LGALS8: variants seen among roughly 807,000 people sequenced by gnomAD.
The protein encoded by LGALS8 is galectin-8.
In LGALS8, 30 loss-of-function variants were observed where a neutral mutation model predicts 35.9. The observed-to-expected ratio is 0.83, with a 90% CI of 0.62 to 1.13. The LOEUF (loss-of-function observed/expected upper bound fraction) is 1.13, where lower values mean the gene tolerates loss of function less well. Among genes scored for constraint, LGALS8 ranks in the 50% most tolerant of loss-of-function variants. The pLI is 0.00. For missense variants in LGALS8, 366 were observed against 388.7 expected (o/e 0.94, Z 0.49); for synonymous variants, 138 against 136.1 (o/e 1.01, Z -0.10).
chr1:236,548,941 A>AACTT lies in LGALS8; in HGVS notation c.*782_*785dup, dbSNP rs1164051972. The AACTT allele has an allele frequency of 2.5e-6, 1 of 398,280 alleles. No individual in the cohort carries two copies. The highest frequency in any genetic ancestry group is 3.6e-5 in the East Asian group (1 of 28,060). 24.7% of individuals were successfully genotyped at this position (398,280 alleles called of 1,614,324 possible). ...AAGGCAGCTGATTTCTGTGTATTTG[A>AACTT]ACTTAGGGCAAATCAGAGTCTACAC... On this transcript the variant is annotated 3_prime_UTR_variant, in exon 10 of 10. Transcript: ENST00000366584.
chr1:236,525,006 C>A (rs994490760), intron 1 of LGALS8, among the ~76,000 whole-genome samples: 1 of 152,104 alleles, frequency 6.6e-6, no homozygotes, highest in Non-Finnish European at 1.5e-5. Flanking sequence ...CCCTTTAGTT[C>A]TGCTTAAAGT....
In LGALS8 at chr1:236,552,284, C is replaced by G; in HGVS notation, c.*4123C>G. ...GAATACCAGTTTCACCATTTGGGAG[C>G]TGTTTGTAATATGTGCAACCTTATA... On this transcript the variant is annotated 3_prime_UTR_variant, in exon 10 of 10. Transcript: ENST00000366584. 2.0e-6 allele frequency: 1 copy of G among 491,580 alleles called. No individual in the cohort carries two copies. Among genetic ancestry groups the G allele is most frequent in the Non-Finnish European group, 3.6e-6 (1 of 279,106 alleles). The allele number at this position is 491,580 out of a possible 1,614,324, so 30.5% of individuals were successfully genotyped here. A position where few individuals can be genotyped will look rare whatever the true frequency, so the allele number is the denominator to read the frequency against.
intron 2 of LGALS8, among the ~76,000 whole-genome samples, chr1:236,527,139 A>G (rs1445810761): frequency 6.6e-6 from 1 of 152,068 alleles, no homozygotes; most frequent in East Asian, 1.9e-4. Context: ...CAACAACAAC[A>G]AACTAGGCTG....
At chr1:236,547,760 G>T (rs939722437) in intron 9 of LGALS8, among the ~76,000 whole-genome samples, 18 of 152,212 alleles carry the variant, frequency 1.2e-4, no homozygotes, top group African/African-American at 4.3e-4. Context: ...AAGGAGGGCC[G>T]CAGGCCCTGG....
chr1:236,548,237 A>C lies in LGALS8; in HGVS notation c.*76A>C. On this transcript the variant is annotated 3_prime_UTR_variant, in exon 10 of 10. Transcript: ENST00000366584. Reference sequence around the variant, plus strand: ...TACTGGCCTTGCTGAAACGCATCTCACTGTCATTCTATTGTTTATATTGTT... The same window carrying C: ...TACTGGCCTTGCTGAAACGCATCTCCCTGTCATTCTATTGTTTATATTGTT... The C allele has an allele frequency of 3.6e-5, 45 of 1,267,122 alleles. No homozygotes were observed. The highest frequency in any genetic ancestry group is 4.8e-5 in the Non-Finnish European group (43 of 894,924). 78.5% of individuals were successfully genotyped at this position (1,267,122 alleles called of 1,614,324 possible).
rs758937451 is a variant in LGALS8, at chr1:236,552,134, TA to T, written c.*3978del. On this transcript the variant is annotated 3_prime_UTR_variant, in exon 10 of 10. Transcript: ENST00000366584. ...TGAAAGGGATAAAAGAGCAAAGAAA[TA>T]AAAAGTAGTGTTACTGTATTTATTA... is the stretch of plus-strand genomic sequence containing the variant. 6.6e-5 allele frequency: 93 copies of T among 1,408,880 alleles called. No individual in the cohort carries two copies. The highest frequency in any genetic ancestry group is 5.6e-4 in the African/African-American group (40 of 71,062). 87.3% of individuals were successfully genotyped at this position (1,408,880 alleles called of 1,614,324 possible).
Position 236,550,759 on chromosome 1 carries a change from T to C in LGALS8, c.*2598T>C, listed in dbSNP as rs1251158627. On this transcript the variant is annotated 3_prime_UTR_variant, in exon 10 of 10. Coordinates refer to ENST00000366584, the MANE Select transcript of LGALS8 (RefSeq NM_201544.4). Reference sequence around the variant, plus strand: ...GGCAGCACAAGCCAGGTGGGGATTTTGTAAAGAAGTGATAAAACATTTGTA... The same window carrying C: ...GGCAGCACAAGCCAGGTGGGGATTTCGTAAAGAAGTGATAAAACATTTGTA... 3.2e-6 allele frequency: 2 copies of C among 619,018 alleles called. No individual in the cohort carries two copies. The highest frequency in any genetic ancestry group is 5.5e-6 in the Non-Finnish European group (2 of 363,562). The allele number at this position is 619,018 out of a possible 1,614,324, so 38.3% of individuals were successfully genotyped here.
intron 6 of LGALS8, 106 bp from the exon 7 acceptor site, chr1:236,542,655 C>A: frequency 1.7e-6 from 2 of 1,174,300 alleles, no homozygotes; most frequent in Non-Finnish European, 1.3e-6. Flanking sequence ...GGAGCAGGAA[C>A]ATCCCAGGCT....
chr1:236,524,842 G>A (rs1660726792), intron 1 of LGALS8: 1 of 189,336 alleles, frequency 5.3e-6, no homozygotes, highest in African/African-American at 2.3e-5. Context: ...TTAAGTTAAT[G>A]ACATGGGGCT....
At chr1:236,527,695 A>G (rs972429388) in intron 2 of LGALS8, among the ~76,000 whole-genome samples, 5 of 152,032 alleles carry the variant, frequency 3.3e-5, no homozygotes. Context: ...GTTCCAAAAA[A>G]AAAGGCTGTA....
intron 2 of LGALS8, among the ~76,000 whole-genome samples, chr1:236,533,893 C>A (rs1447415351): frequency 2.6e-5 from 2 of 75,812 alleles, no homozygotes; most frequent in Non-Finnish European, 6.9e-5. Context: ...CTACCAATGC[C>A]ACTGCTGTCT....
chr1:236,538,228 C>T (rs1558162545), intron 3 of LGALS8, among the ~76,000 whole-genome samples: 1 of 152,108 alleles, frequency 6.6e-6, no homozygotes, highest in Admixed American at 6.6e-5. Flanking sequence ...TGAATACCTG[C>T]TTTGGATACA....
chr1:236,543,404 C>T, intron 7 of LGALS8, 156 bp from the exon 8 acceptor site: 1 of 717,258 alleles, frequency 1.4e-6, no homozygotes, highest in South Asian at 1.5e-5. Context: ...AGTGCTGCTG[C>T]AGGGGACCCA....
At chr1:236,525,863 T>C in intron 1 of LGALS8, 105 bp from the exon 2 acceptor site, 1 of 414,982 alleles carries the variant, frequency 2.4e-6, no homozygotes, top group Non-Finnish European at 4.3e-6. Flanking sequence ...ATTCTATTAT[T>C]TGGTAAATAT....
intron 2 of LGALS8, among the ~76,000 whole-genome samples, chr1:236,527,288 C>G (rs1325834050): frequency 6.6e-6 from 1 of 152,152 alleles, no homozygotes; most frequent in Non-Finnish European, 1.5e-5. Context: ...TTCTAGCATA[C>G]TGCTGATTCC....
chr1:236,544,625 G>A (rs1662244907), intron 8 of LGALS8, 125 bp from the exon 9 acceptor site: 1 of 596,592 alleles, frequency 1.7e-6, no homozygotes, highest in East Asian at 2.9e-5. Context: ...CCATGTCCAT[G>A]TGGATACGTG....
At chr1:236,543,774 G>T (rs1442801228) in intron 8 of LGALS8, 126 bp downstream of exon 8, 2 of 713,210 alleles carry the variant, frequency 2.8e-6, no homozygotes, top group Non-Finnish European at 5.0e-6. Flanking sequence ...AAAGTGAGAT[G>T]ATTCAAGCAG....
At chr1:236,540,786 A>G in intron 5 of LGALS8, 103 bp downstream of exon 5, 1 of 1,206,456 alleles carries the variant, frequency 8.3e-7, no homozygotes. Flanking sequence ...AAAAGGACGT[A>G]TCTCCCTGAC....
Position 236,543,666 on chromosome 1 carries a change from C to T in LGALS8, c.638+18C>T. The T allele has an allele frequency of 6.4e-7, 1 of 1,572,894 alleles. No individual in the cohort carries two copies. The highest frequency in any genetic ancestry group is 1.1e-5 in the South Asian group (1 of 90,270). On this transcript the variant is annotated intron_variant, in intron 8 of 9. Transcript: ENST00000366584. ...GCCAAAAGGTCAGTATCCTTCGGTA[C>T]CAGTCACAGTGCAGATACTTCCGTG...
Sources: allele counts gnomAD v4.1 joint callset (sites outside exome capture counted in the v4.1 genomes callset), GRCh38; gene constraint gnomAD v4.1.1; transcripts MANE v1.5; gene names NCBI Gene and HGNC (gene_info 2026-07-23, HGNC 2026-07-21).